Variants in RIC1 observed in about 807,000 individuals in gnomAD.
RIC1 encodes the protein RIC1 partner of RAB6A GEF complex.
A neutral mutation model predicts 169.0 loss-of-function variants in RIC1; 88 were observed. The observed-to-expected ratio is 0.52, with a 90% CI of 0.44 to 0.62. The LOEUF (loss-of-function observed/expected upper bound fraction) is 0.62, where lower values mean the gene tolerates loss of function less well. Ranked by LOEUF, RIC1 falls within the 20% of genes least tolerant of loss-of-function variation. RIC1 has a pLI of 0.00. For synonymous variants in RIC1, 790 were observed against 601.5 expected (o/e 1.31, Z -4.59); for missense variants, 1,877 against 1,725.5 (o/e 1.09, Z -1.56).
chr9:5,636,268 A>G (rs544826440), intron 1 of RIC1, among the ~76,000 whole-genome samples: 81 of 152,196 alleles, frequency 5.3e-4, no homozygotes, highest in Non-Finnish European at 1.0e-3. Flanking sequence ...GGTTAAATGT[A>G]TTCTAAGTAT....
chr9:5,658,616 A>T (rs1394304136), intron 2 of RIC1, among the ~76,000 whole-genome samples: 1 of 152,092 alleles, frequency 6.6e-6, no homozygotes, highest in African/African-American at 2.4e-5. Context: ...GAATCTAAGA[A>T]GTTGTATTAA....
At chr9:5,691,095 A>T (rs1821568667) in intron 3 of RIC1, among the ~76,000 whole-genome samples, 1 of 152,002 alleles carries the variant, frequency 6.6e-6, no homozygotes, top group Non-Finnish European at 1.5e-5. Flanking sequence ...GGAGCTGGTT[A>T]ACAAGTTAAC....
In RIC1 at chr9:5,763,300, G is replaced by A. The variant is rs781323863; in HGVS notation, c.2273G>A (p.Arg758His). The A allele has an allele frequency of 1.2e-5, 19 of 1,613,994 alleles. No individual in the cohort carries two copies. Among genetic ancestry groups the A allele is most frequent in the South Asian group, 1.1e-5 (1 of 91,090 alleles). Residue 758 changes from arginine to histidine, a missense_variant, in exon 19 of 26, where the codon CGC becomes CAC. Physicochemically the swap from Arg to His is conservative, Grantham distance 29. Coordinates refer to ENST00000414202, the MANE Select transcript of RIC1 (RefSeq NM_020829.4). This position sits in a 1 kb window ranked among gnomAD's most constrained non-coding sequence, Gnocchi z 5.2. ...CTCCCTCTCTTCCCTAGGGATCACC[G>A]CAAGCCCCATTCCTTCTTGTCCCAG... Reference protein sequence around the residue: ...VWLPLFPRDHRKPHSFLSQRI... With the variant: ...VWLPLFPRDHHKPHSFLSQRI...
At chr9:5,708,631 A>C (rs898474851) in intron 3 of RIC1, among the ~76,000 whole-genome samples, 2 of 151,840 alleles carry the variant, frequency 1.3e-5, no homozygotes, top group Non-Finnish European at 2.9e-5. Flanking sequence ...CTTACTTGGG[A>C]TCTCTTGTAT....
intron 2 of RIC1, among the ~76,000 whole-genome samples, chr9:5,663,794 T>A (rs1009679744): frequency 2.6e-5 from 4 of 152,158 alleles, no homozygotes; most frequent in Admixed American, 6.5e-5. Flanking sequence ...ATTGGAGCAT[T>A]TAGCCCATTT....
At chr9:5,734,996 G>C (rs1824612713) in intron 7 of RIC1, among the ~76,000 whole-genome samples, 1 of 152,080 alleles carries the variant, frequency 6.6e-6, no homozygotes, top group Non-Finnish European at 1.5e-5. Context: ...AATTAACCCA[G>C]TTGCCACCAG....
At chr9:5,659,652 T>C (rs1389934241) in intron 2 of RIC1, among the ~76,000 whole-genome samples, 2 of 152,208 alleles carry the variant, frequency 1.3e-5, no homozygotes, top group Admixed American at 6.5e-5. Flanking sequence ...GAACATGCAA[T>C]GTCTTATCAA....
intron 7 of RIC1, among the ~76,000 whole-genome samples, chr9:5,735,145 T>C (rs1307936038): frequency 1.3e-5 from 2 of 152,160 alleles, no homozygotes; most frequent in East Asian, 3.8e-4. Context: ...TTGACTTTTT[T>C]TGAGTCTGAG....
At chr9:5,652,744 T>C (rs777939812) in intron 1 of RIC1, among the ~76,000 whole-genome samples, 22 of 152,210 alleles carry the variant, frequency 1.4e-4, no homozygotes, top group Non-Finnish European at 2.8e-4. Context: ...AGTACTGCGT[T>C]GAATAAAAGT....
chr9:5,744,588 C>T (rs1236532257), intron 10 of RIC1, among the ~76,000 whole-genome samples: 1 of 152,074 alleles, frequency 6.6e-6, no homozygotes, highest in African/African-American at 2.4e-5. Context: ...ATACCTTATG[C>T]ACATAGACTG....
intron 12 of RIC1, among the ~76,000 whole-genome samples, chr9:5,751,060 G>C (rs1825696250): frequency 6.6e-6 from 1 of 151,610 alleles, no homozygotes; most frequent in Non-Finnish European, 1.5e-5. Flanking sequence ...ATTTAACTTT[G>C]GTTCCCATTA....
intron 21 of RIC1, among the ~76,000 whole-genome samples, chr9:5,768,313 G>C (rs2131129061): frequency 6.6e-6 from 1 of 152,226 alleles, no homozygotes; most frequent in Middle Eastern, 3.4e-3. Flanking sequence ...ATTGCTTGAG[G>C]CCAGGAGTTC....
At chr9:5,735,015 C>G (rs1191895686) in intron 7 of RIC1, among the ~76,000 whole-genome samples, 1 of 152,106 alleles carries the variant, frequency 6.6e-6, no homozygotes, top group Non-Finnish European at 1.5e-5. Flanking sequence ...AGCTAAATTT[C>G]TTCTATAGCT....
chr9:5,675,657 C>G (rs1438780293), intron 2 of RIC1, among the ~76,000 whole-genome samples: 1 of 152,060 alleles, frequency 6.6e-6, no homozygotes, highest in African/African-American at 2.4e-5. Context: ...AAAAATAAAG[C>G]TATCAGACTG....
intron 6 of RIC1, among the ~76,000 whole-genome samples, chr9:5,728,653 A>G (rs1045546433): frequency 6.6e-6 from 1 of 152,110 alleles, no homozygotes; most frequent in Admixed American, 6.5e-5. Flanking sequence ...AGCTGTTCCT[A>G]TTTGGCCATC....
At chr9:5,648,206 G>A (rs1407563012) in intron 1 of RIC1, among the ~76,000 whole-genome samples, 1 of 152,022 alleles carries the variant, frequency 6.6e-6, no homozygotes, top group Non-Finnish European at 1.5e-5. Flanking sequence ...CTGGTCTCGA[G>A]CTCCTGACCT....
At chr9:5,672,914 T>C (rs1018214573) in intron 2 of RIC1, among the ~76,000 whole-genome samples, 2 of 152,108 alleles carry the variant, frequency 1.3e-5, no homozygotes, top group Non-Finnish European at 2.9e-5. Flanking sequence ...CAACATCTCA[T>C]AGCCATGAAA....
intron 3 of RIC1, among the ~76,000 whole-genome samples, chr9:5,707,160 G>C (rs1822641833): frequency 6.6e-6 from 1 of 152,082 alleles, no homozygotes; most frequent in Admixed American, 6.5e-5. Context: ...TTGTTTTACA[G>C]TGTATTTTGA....
At chr9:5,758,722 C>CTTTTTTTTTTTTTTTTTTTTTCT (rs754931692) in intron 17 of RIC1, among the ~76,000 whole-genome samples, 2 of 98,426 alleles carry the variant, frequency 2.0e-5, no homozygotes, top group African/African-American at 8.0e-5. Context: ...GGTCTCCCTT[C>CTTTTTTTTTTTTTTTTTTTTTCT]TTTTTTTTTT....
Sources: allele counts gnomAD v4.1 joint callset (sites outside exome capture counted in the v4.1 genomes callset), GRCh38; gene constraint gnomAD v4.1.1; non-coding constraint Gnocchi (gnomAD v3.1); transcripts MANE v1.5; gene names NCBI Gene and HGNC (gene_info 2026-07-23, HGNC 2026-07-21).